The following ABLIM1 variants were observed in gnomAD, a reference collection of about 807,000 sequenced individuals.
The protein encoded by ABLIM1 is actin binding LIM protein 1, also known as actin-binding LIM protein 1.
A neutral mutation model predicts 107.0 loss-of-function variants in ABLIM1; 40 were observed. The ratio of observed to expected loss-of-function variants is 0.37; its 90% confidence interval spans 0.29 to 0.49. ABLIM1 has a LOEUF of 0.49. Ranked by LOEUF, ABLIM1 falls within the 20% of genes least tolerant of loss-of-function variation. ABLIM1 has a pLI of 0.97. For missense variants in ABLIM1, 857 were observed against 1,008.5 expected (o/e 0.85, Z 2.04); for synonymous variants, 357 against 357.3 (o/e 1.00, Z 0.01).
At chr10:114,653,714 T>C (rs1398186610) in intron 1 of ABLIM1, among the ~76,000 whole-genome samples, 1 of 152,252 alleles carries the variant, frequency 6.6e-6, no homozygotes, top group Non-Finnish European at 1.5e-5. Flanking sequence ...CACTGATATA[T>C]TTTTGCAGAA....
intron 20 of ABLIM1, 144 bp from the exon 21 acceptor site, chr10:114,439,394 A>C: frequency 1.2e-6 from 1 of 827,992 alleles, no homozygotes; most frequent in Non-Finnish European, 2.0e-6. Context: ...TGTATTTTTC[A>C]AAATGAGATC....
Position 114,710,694 on chromosome 10 carries a change from T to C in ABLIM1, c.-213+57367A>G, listed in dbSNP as rs540859766. Among the ~76,000 whole-genome samples the C allele has an allele frequency of 7.9e-5, 12 of 152,228 alleles. No homozygotes were observed. The South Asian group carries it at 8.3e-4, about 11-fold the overall frequency. On this transcript the variant is annotated intron_variant, in intron 1 of 15. Coordinates refer to the ABLIM1 transcript ENST00000651092. ...CTACTTGGGAGCTGGGGTGGGAGGATTGCTTGAGCACAGGAGGTCAAGGCT... is the reference window on the plus strand; with the variant it reads ...CTACTTGGGAGCTGGGGTGGGAGGACTGCTTGAGCACAGGAGGTCAAGGCT...
In ABLIM1 at chr10:114,458,372, A is replaced by G. The variant is rs960141697; in HGVS notation, c.1442-4889T>C. Among the ~76,000 whole-genome samples the G allele has an allele frequency of 2.6e-5, 4 of 152,200 alleles. No homozygotes were observed. In the South Asian group the frequency reaches 8.3e-4, roughly 32 times the overall value. ...ACAGGACTCTCACTGTACTTAACAC[A>G]TTTAAATGCCCATCTCCACTTTCAT... is the stretch of plus-strand genomic sequence containing the variant. On this transcript the variant is annotated intron_variant, in intron 12 of 22. Coordinates refer to ENST00000533213, the MANE Select transcript of ABLIM1 (RefSeq NM_002313.7).
chr10:114,664,320 T>C (rs925865565), intron 1 of ABLIM1, among the ~76,000 whole-genome samples: 1 of 152,094 alleles, frequency 6.6e-6, no homozygotes, highest in East Asian at 1.9e-4. Context: ...TCAGCAGCCT[T>C]AATGATGAAT....
chr10:114,516,902 G>A (rs1221355697), intron 6 of ABLIM1, among the ~76,000 whole-genome samples: 1 of 152,188 alleles, frequency 6.6e-6, no homozygotes, highest in African/African-American at 2.4e-5. Flanking sequence ...GCTGAATTCA[G>A]TAAGAAATTT....
chr10:114,642,413 T>C (rs1299814485), intron 1 of ABLIM1, among the ~76,000 whole-genome samples: 1 of 152,130 alleles, frequency 6.6e-6, no homozygotes, highest in Non-Finnish European at 1.5e-5. Context: ...AGGACAAAGA[T>C]AATTTCAATA....
At chr10:114,793,182 A>G in the ABLIM1 span, among the ~76,000 whole-genome samples, 1 of 152,058 alleles carries the variant, frequency 6.6e-6, no homozygotes, top group South Asian at 2.1e-4. Context: ...AAGAAATGCA[A>G]TCCCCAATGT....
intron 1 of ABLIM1, among the ~76,000 whole-genome samples, chr10:114,702,445 A>C (rs1370201654): frequency 6.6e-6 from 1 of 152,182 alleles, no homozygotes; most frequent in Admixed American, 6.5e-5. Context: ...TTTGTATTTT[A>C]ACATCAGTGT....
At chr10:114,603,287 G>T (rs1403479036) in intron 1 of ABLIM1, among the ~76,000 whole-genome samples, 2 of 152,128 alleles carry the variant, frequency 1.3e-5, no homozygotes, top group Non-Finnish European at 2.9e-5. Context: ...TTCTCATTTT[G>T]CCTGGCAAGA....
At chr10:114,625,486 A>C (rs982060325) in intron 1 of ABLIM1, among the ~76,000 whole-genome samples, 5 of 152,204 alleles carry the variant, frequency 3.3e-5, no homozygotes, top group African/African-American at 1.2e-4. Context: ...CTTGAGAAAA[A>C]GAGCACTGTC....
chr10:114,787,622 GT>G, the ABLIM1 span, among the ~76,000 whole-genome samples: 1 of 146,744 alleles, frequency 6.8e-6, no homozygotes, highest in Non-Finnish European at 1.5e-5. Flanking sequence ...CGTCCGGGAG[GT>G]GAGGGGTGCC....
chr10:114,781,191 C>T, the ABLIM1 span, among the ~76,000 whole-genome samples: 1 of 152,052 alleles, frequency 6.6e-6, no homozygotes, highest in Non-Finnish European at 1.5e-5. Context: ...ATGCTACTCC[C>T]TAAATCACCC....
chr10:114,457,764 G>T (rs1462447054), intron 12 of ABLIM1, among the ~76,000 whole-genome samples: 1 of 152,156 alleles, frequency 6.6e-6, no homozygotes, highest in African/African-American at 2.4e-5. Context: ...CCCTGAATAA[G>T]ATACTGTTTA....
intron 1 of ABLIM1, among the ~76,000 whole-genome samples, chr10:114,746,004 G>A (rs537486671): frequency 6.6e-6 from 1 of 152,266 alleles, no homozygotes; most frequent in Admixed American, 6.5e-5. Context: ...GTTTGTATAT[G>A]TTTATTGGGT....
intron 1 of ABLIM1, among the ~76,000 whole-genome samples, chr10:114,606,229 A>G (rs1348801586): frequency 2.0e-5 from 3 of 151,858 alleles, no homozygotes; most frequent in East Asian, 1.9e-4. Context: ...ACAGAGTCCA[A>G]TTTTTTATTT....
chr10:114,788,163 ATC>A, the ABLIM1 span, among the ~76,000 whole-genome samples: 1 of 151,258 alleles, frequency 6.6e-6, no homozygotes, highest in Non-Finnish European at 1.5e-5. Flanking sequence ...CCACTCCCTA[ATC>A]TCAAGTACCC....
At chr10:114,742,261 G>A (rs563280338) in intron 1 of ABLIM1, among the ~76,000 whole-genome samples, 1 of 152,200 alleles carries the variant, frequency 6.6e-6, no homozygotes, top group East Asian at 1.9e-4. Flanking sequence ...GAAAGACCCT[G>A]GATATTTTTA....
At position 114,717,891 on chromosome 10, in the gene ABLIM1, G is replaced by A. The variant is rs1458737227; in HGVS notation, c.-213+50170C>T. Among the ~76,000 whole-genome samples, 3 of 134,684 alleles carry A rather than the reference G, an allele frequency of 2.2e-5. No homozygotes were observed. The South Asian group carries it at 8.3e-4, about 37-fold the overall frequency. 88.4% of individuals were successfully genotyped at this position (134,684 alleles called of 152,430 possible). A position where few individuals can be genotyped will look rare whatever the true frequency, so the allele number is the denominator to read the frequency against. Reference sequence around the variant, plus strand: ...TGCATCATGGCACTCCAGCCTGGGTGACAGAGAAAGACCCTGTCAAAAGGA... The same window carrying A: ...TGCATCATGGCACTCCAGCCTGGGTAACAGAGAAAGACCCTGTCAAAAGGA... On this transcript the variant is annotated intron_variant, in intron 1 of 15. Coordinates refer to the ABLIM1 transcript ENST00000651092.
chr10:114,602,352 C>T (rs1169007635), intron 1 of ABLIM1, among the ~76,000 whole-genome samples: 2 of 152,178 alleles, frequency 1.3e-5, no homozygotes, highest in African/African-American at 2.4e-5. Flanking sequence ...ACTGTAGGTC[C>T]TTGAAGATGG....
Sources: allele counts gnomAD v4.1 joint callset (sites outside exome capture counted in the v4.1 genomes callset), GRCh38; gene constraint gnomAD v4.1.1; transcripts MANE v1.5; gene names NCBI Gene and HGNC (gene_info 2026-07-23, HGNC 2026-07-21).